The following COL14A1 variants were observed in gnomAD, a reference collection of about 807,000 sequenced individuals.
COL14A1 encodes the protein collagen alpha-1(XIV) chain.
A neutral mutation model predicts 230.3 loss-of-function variants in COL14A1; 136 were observed. The ratio of observed to expected loss-of-function variants is 0.59; its 90% CI spans 0.51 to 0.68. COL14A1 has a LOEUF of 0.68. COL14A1 is among the 30% of genes least tolerant of loss of function. The pLI, the probability that COL14A1 is intolerant of heterozygous loss-of-function variation, is 0.00. For missense variants in COL14A1, 1,976 were observed against 2,215.8 expected (o/e 0.89, Z 2.17); for synonymous variants, 792 against 784.1 (o/e 1.01, Z -0.17).
intron 13 of COL14A1, 54 bp downstream of exon 13, chr8:120,212,631 T>C: frequency 2.5e-6 from 4 of 1,601,110 alleles, no homozygotes; most frequent in Non-Finnish European, 3.4e-6. Flanking sequence ...CACATGAATG[T>C]GGGGATTCTG....
chr8:120,287,978 GA>G (rs1221718263), intron 33 of COL14A1, among the ~76,000 whole-genome samples: 1 of 149,306 alleles, frequency 6.7e-6, no homozygotes, highest in Non-Finnish European at 1.5e-5. Flanking sequence ...TGCAACCAAA[GA>G]AGCAAAATAT....
intron 29 of COL14A1, 124 bp downstream of exon 29, chr8:120,280,223 A>G (rs1035754690): frequency 3.6e-5 from 40 of 1,114,224 alleles, no homozygotes; most frequent in African/African-American, 2.8e-4. Flanking sequence ...TGCTTGTTAT[A>G]TAGACATTAA....
In COL14A1 at chr8:120,166,920, GTGGTGGTGATGA is replaced by G. The variant is rs1162485748; in HGVS notation, c.350-1232_350-1221del. ...TGTGTGTGTGTGTGTGTGTGTGTGT[GTGGTGGTGATGA>G]TGGTGGTGGTGGGGGTGCTCCAAAG... On this transcript the variant is annotated intron_variant, in intron 4 of 47. Transcript: ENST00000297848. Among the ~76,000 whole-genome samples the G allele has an allele frequency of 2.4e-3, 344 of 144,528 alleles. 4 individuals are homozygous for G. Among genetic ancestry groups the G allele is most frequent in the African/African-American group, 8.5e-3 (312 of 36,846 alleles). The allele number at this position is 144,528 out of a possible 152,430, so 94.8% of individuals were successfully genotyped here. A position where few individuals can be genotyped will look rare whatever the true frequency, so the allele number is the denominator to read the frequency against.
intron 15 of COL14A1, among the ~76,000 whole-genome samples, chr8:120,225,995 T>G (rs144247735): frequency 1.4e-5 from 2 of 140,740 alleles, no homozygotes; most frequent in East Asian, 3.9e-4. Context: ...GTTTTTATGT[T>G]TTTTTTTTTG....
Position 120,128,218 on chromosome 8 carries a change from T to TGC in COL14A1, c.-38+2879_-38+2880insCG, listed in dbSNP as rs1450837596. Among the ~76,000 whole-genome samples the TGC allele has an allele frequency of 6.1e-4, 60 of 98,730 alleles. 1 individual carries two copies. The highest frequency in any genetic ancestry group is 1.7e-3 in the African/African-American group (41 of 23,460). 64.8% of individuals were successfully genotyped at this position (98,730 alleles called of 152,430 possible). A position where few individuals can be genotyped will look rare whatever the true frequency, so the allele number is the denominator to read the frequency against. On this transcript the variant is annotated intron_variant, in intron 1 of 47. Coordinates refer to ENST00000297848, the MANE Select transcript of COL14A1 (RefSeq NM_021110.4). ...TGTTCCTGTGACGTGTGTGTGTGTG[T>TGC]GTGCGCGCGCGTGTGTGTGTGTGTG... is the stretch of plus-strand genomic sequence containing the variant.
At position 120,266,790 on chromosome 8, in the gene COL14A1, A is replaced by G. The variant is rs532191569; in HGVS notation, c.3017-37A>G. ...CCTTCCGCTCTTCCCCACAGATGAG[A>G]TGGTGAACTGATGTCCTTTCTCCCT... On this transcript the variant is annotated intron_variant, in intron 24 of 47. Coordinates refer to ENST00000297848, the MANE Select transcript of COL14A1 (RefSeq NM_021110.4). 3.8e-6 allele frequency: 6 copies of G among 1,560,512 alleles called. No homozygotes were observed. The African/African-American group carries it at 5.4e-5, about 14-fold the overall frequency.
At position 120,344,261 on chromosome 8, in the gene COL14A1, G is replaced by A. The variant is rs1004944168; in HGVS notation, c.4889-1114G>A. ...AACCATCTTGCCTTACACTACTTCA[G>A]TTTTCTCTGGGATCCTTATTGTATT... On this transcript the variant is annotated intron_variant, in intron 44 of 47. Transcript: ENST00000297848. Among the ~76,000 whole-genome samples, 4 of 152,228 alleles carry A rather than the reference G, an allele frequency of 2.6e-5. No homozygotes were observed. The East Asian group carries it at 5.8e-4, about 22-fold the overall frequency.
intron 37 of COL14A1, 67 bp from the exon 38 acceptor site, chr8:120,313,865 G>GAAATATTTTCTAGATGTCAGAGAGTCTA: frequency 1.0e-6 from 1 of 966,640 alleles, no homozygotes; most frequent in Non-Finnish European, 1.6e-6. Context: ...GTCCTAAGCA[G>GAAATATTTTCTAGATGTCAGAGAGTCTA]AAATATTTTC....
At chr8:120,281,465 T>G (rs993032144) in intron 31 of COL14A1, among the ~76,000 whole-genome samples, 1 of 151,330 alleles carries the variant, frequency 6.6e-6, no homozygotes, top group Admixed American at 6.6e-5. Flanking sequence ...CTCTGGAGAC[T>G]GAGGTGGGAG....
chr8:120,325,939 A>G (rs79965261), intron 40 of COL14A1, among the ~76,000 whole-genome samples: 3,536 of 152,330 alleles, frequency 0.023, 147 homozygotes, highest in African/African-American at 0.081. Context: ...AGACCATTCA[A>G]TGAGCTTTGA....
At chr8:120,342,088 C>T (rs188236593) in intron 43 of COL14A1, among the ~76,000 whole-genome samples, 28 of 152,286 alleles carry the variant, frequency 1.8e-4, no homozygotes, top group African/African-American at 6.0e-4. Context: ...CTATATATCA[C>T]GTGTTAAATA....
intron 47 of COL14A1, 149 bp downstream of exon 47, chr8:120,369,634 G>A (rs917421195): frequency 1.5e-5 from 12 of 803,356 alleles, no homozygotes; most frequent in African/African-American, 3.6e-5. Context: ...AAATTATCCC[G>A]AGACATTTTC....
intron 4 of COL14A1, among the ~76,000 whole-genome samples, chr8:120,164,191 C>T (rs958605187): frequency 1.2e-4 from 18 of 152,208 alleles, no homozygotes; most frequent in African/African-American, 3.6e-4. Flanking sequence ...CTGGCTTCAG[C>T]AATTAGCTGC....
intron 3 of COL14A1, 141 bp downstream of exon 3, chr8:120,158,387 C>T: frequency 4.7e-6 from 3 of 634,228 alleles, no homozygotes; most frequent in Admixed American, 6.1e-5. Flanking sequence ...AAATCTTACC[C>T]TCTAATCAAG....
chr8:120,268,720 T>A (rs1266983198), intron 25 of COL14A1, among the ~76,000 whole-genome samples: 2 of 151,732 alleles, frequency 1.3e-5, no homozygotes, highest in Non-Finnish European at 3.0e-5. Context: ...AAGAACAGCA[T>A]TAAAAACACA....
intron 15 of COL14A1, among the ~76,000 whole-genome samples, chr8:120,225,738 T>A (rs573641488): frequency 9.1e-4 from 138 of 152,282 alleles, no homozygotes; most frequent in African/African-American, 3.1e-3. Flanking sequence ...TTCTTTTCTA[T>A]ATGTACCCTG....
chr8:120,148,065 T>C (rs1815155191), intron 2 of COL14A1, 135 bp downstream of exon 2: 2 of 626,562 alleles, frequency 3.2e-6, no homozygotes, highest in Non-Finnish European at 5.5e-6. Context: ...TGTAGAAATA[T>C]ACACATCTTT....
At chr8:120,177,694 CTATATA>C (rs3030325) in intron 5 of COL14A1, among the ~76,000 whole-genome samples, 1 of 129,396 alleles carries the variant, frequency 7.7e-6, no homozygotes, top group African/African-American at 2.9e-5. Flanking sequence ...TATAAAAAGA[CTATATA>C]TATATATATA....
chr8:120,132,109 A>G (rs1298304010), intron 1 of COL14A1, among the ~76,000 whole-genome samples: 1 of 151,982 alleles, frequency 6.6e-6, no homozygotes, highest in Non-Finnish European at 1.5e-5. Flanking sequence ...TGGCCTCCCA[A>G]AGTGCTGGGA....
Sources: gnomAD v4.1 joint callset for allele counts (sites outside exome capture counted in the v4.1 genomes callset) on GRCh38, gnomAD v4.1.1 for gene constraint, MANE v1.5 for transcripts, NCBI Gene and HGNC (gene_info 2026-07-23, HGNC 2026-07-21) for gene names.